SLC39A8: variants seen among roughly 807,000 people sequenced by gnomAD.
SLC39A8 encodes the protein solute carrier family 39 member 8.
A neutral mutation model predicts 40.4 loss-of-function variants in SLC39A8; 15 were observed. The ratio of observed to expected loss-of-function variants is 0.37; its 90% confidence interval spans 0.25 to 0.57. SLC39A8 has a LOEUF of 0.57. SLC39A8 is among the 20% of genes least tolerant of loss of function. The pLI is 0.75. For missense variants in SLC39A8, 472 were observed against 558.8 expected (o/e 0.84, Z 1.57); for synonymous variants, 223 against 221.6 (o/e 1.01, Z -0.06).
intron 2 of SLC39A8, 56 bp from the exon 3 acceptor site, chr4:102,315,886 C>T: frequency 6.9e-7 from 1 of 1,447,948 alleles, no homozygotes. Flanking sequence ...AGCACATAAG[C>T]AAAGATGCTA....
At chr4:102,273,723 A>G (rs1055992047) in intron 6 of SLC39A8, among the ~76,000 whole-genome samples, 9 of 152,180 alleles carry the variant, frequency 5.9e-5, no homozygotes, top group African/African-American at 2.2e-4. Context: ...ATGGGTGCCC[A>G]TCTGGGACGA....
intron 2 of SLC39A8, among the ~76,000 whole-genome samples, chr4:102,329,765 A>G (rs911787580): frequency 6.6e-6 from 1 of 152,150 alleles, no homozygotes; most frequent in Non-Finnish European, 1.5e-5. Context: ...TCTAAAATTG[A>G]CCACATAATT....
rs575052299 is a variant in SLC39A8 at position 102,281,672 on chromosome 4, C to A, written c.841-13593G>T. Among the ~76,000 whole-genome samples, 11 of 152,068 alleles carry A rather than the reference C, an allele frequency of 7.2e-5. No individual in the cohort carries two copies. In the South Asian group the frequency reaches 8.3e-4, roughly 12 times the overall value. ...AATAGGCAAGGTGCCAACAGAGAGA[C>A]AAATATAAAGCTATTCTCTGCAAGG... is the stretch of plus-strand genomic sequence containing the variant. On this transcript the variant is annotated intron_variant, in intron 6 of 8. Transcript: ENST00000356736.
At chr4:102,345,067 T>C (rs1736118315) in intron 1 of SLC39A8, 152 bp from the exon 2 acceptor site, 1 of 250,624 alleles carries the variant, frequency 4.0e-6, no homozygotes, top group South Asian at 1.4e-4. Flanking sequence ...GCCCCAGGAT[T>C]TGCGTACATA....
intron 6 of SLC39A8, among the ~76,000 whole-genome samples, chr4:102,271,766 C>T (rs1732374049): frequency 6.6e-6 from 1 of 152,182 alleles, no homozygotes; most frequent in Admixed American, 6.5e-5. Flanking sequence ...TGATATATAG[C>T]CAAGGTTTCC....
At chr4:102,323,084 C>T (rs994145317) in intron 2 of SLC39A8, among the ~76,000 whole-genome samples, 1 of 152,180 alleles carries the variant, frequency 6.6e-6, no homozygotes, top group African/African-American at 2.4e-5. Context: ...CCCATCCTTC[C>T]CCCACCCCAA....
At chr4:102,305,679 T>C (rs1367076780) in intron 4 of SLC39A8, among the ~76,000 whole-genome samples, 1 of 151,884 alleles carries the variant, frequency 6.6e-6, no homozygotes, top group Non-Finnish European at 1.5e-5. Flanking sequence ...AAAAAGAAGA[T>C]TTAAAATTGC....
intron 6 of SLC39A8, among the ~76,000 whole-genome samples, chr4:102,280,146 C>T (rs1367779699): frequency 9.9e-5 from 15 of 152,186 alleles, no homozygotes; most frequent in Non-Finnish European, 1.5e-4. Flanking sequence ...CACTGTTCCA[C>T]GTACAGTAGC....
At chr4:102,272,662 G>A (rs1732422150) in intron 6 of SLC39A8, among the ~76,000 whole-genome samples, 1 of 152,056 alleles carries the variant, frequency 6.6e-6, no homozygotes. Context: ...TTACTGACAG[G>A]CCAGATGGCC....
Position 102,344,733 on chromosome 4 carries a change from C to G in SLC39A8, c.-71G>C, listed in dbSNP as rs375123716. 7.3e-7 allele frequency: 1 copy of G among 1,366,530 alleles called. No individual in the cohort carries two copies. Among genetic ancestry groups the G allele is most frequent in the African/African-American group, 1.5e-5 (1 of 65,104 alleles). 84.7% of individuals were successfully genotyped at this position (1,366,530 alleles called of 1,614,324 possible). A position where few individuals can be genotyped will look rare whatever the true frequency, so the allele number is the denominator to read the frequency against. ...AGAGGGACGCGCGCGGGCGCACTGGCGTCCTTGCCCAAGGGCGGGAGCGTC... is the reference window on the plus strand; with the variant it reads ...AGAGGGACGCGCGCGGGCGCACTGGGGTCCTTGCCCAAGGGCGGGAGCGTC... On this transcript the variant is annotated 5_prime_UTR_variant, in exon 2 of 9. Transcript: ENST00000356736.
intron 6 of SLC39A8, among the ~76,000 whole-genome samples, chr4:102,276,005 T>C (rs989452067): frequency 2.0e-5 from 3 of 152,170 alleles, no homozygotes; most frequent in Admixed American, 6.5e-5. Flanking sequence ...GGGAAACTTA[T>C]AGCATTAAAT....
intron 2 of SLC39A8, among the ~76,000 whole-genome samples, chr4:102,328,412 T>G (rs760005762): frequency 2.0e-5 from 3 of 152,164 alleles, no homozygotes; most frequent in African/African-American, 7.2e-5. Flanking sequence ...AATTAAATGA[T>G]GCATCTAGGT....
downstream of SLC39A8, chr4:102,259,410 A>G: frequency 7.4e-7 from 1 of 1,357,584 alleles, no homozygotes; most frequent in South Asian, 1.3e-5. Context: ...ATAAACTTTA[A>G]AACATGCAAG....
chr4:102,285,150 TA>T (rs1305344135), intron 6 of SLC39A8, among the ~76,000 whole-genome samples: 2 of 152,164 alleles, frequency 1.3e-5, no homozygotes, highest in Non-Finnish European at 2.9e-5. Context: ...TGATAACAAA[TA>T]AAAAGTAATA....
At chr4:102,264,059 C>T (rs1158961022) in intron 8 of SLC39A8, among the ~76,000 whole-genome samples, 1 of 152,200 alleles carries the variant, frequency 6.6e-6, no homozygotes, top group Non-Finnish European at 1.5e-5. Flanking sequence ...GATATTTTGA[C>T]TCCTTCCATA....
At chr4:102,300,200 T>C (rs764145876) in intron 6 of SLC39A8, among the ~76,000 whole-genome samples, 2 of 152,048 alleles carry the variant, frequency 1.3e-5, no homozygotes, top group Non-Finnish European at 2.9e-5. Flanking sequence ...GGAGCAAAGG[T>C]ATTAAGGAAC....
intron 6 of SLC39A8, among the ~76,000 whole-genome samples, chr4:102,270,713 A>T (rs1264778656): frequency 6.6e-6 from 1 of 152,286 alleles, no homozygotes; most frequent in East Asian, 1.9e-4. Flanking sequence ...ATTACCGTGT[A>T]ATCTTCAGCA....
intron 6 of SLC39A8, among the ~76,000 whole-genome samples, chr4:102,290,005 C>G (rs1235021364): frequency 6.6e-6 from 1 of 152,124 alleles, no homozygotes; most frequent in Non-Finnish European, 1.5e-5. Context: ...TGTCAAACAG[C>G]ATGTTCTCGC....
At chr4:102,312,394 C>A (rs1480185835) in intron 3 of SLC39A8, among the ~76,000 whole-genome samples, 1 of 152,058 alleles carries the variant, frequency 6.6e-6, no homozygotes, top group Non-Finnish European at 1.5e-5. Context: ...CTTAGAATTG[C>A]TGACTTTTCC....
Sources: gnomAD v4.1 joint callset for allele counts (sites outside exome capture counted in the v4.1 genomes callset) on GRCh38, gnomAD v4.1.1 for gene constraint, MANE v1.5 for transcripts, NCBI Gene and HGNC (gene_info 2026-07-23, HGNC 2026-07-21) for gene names.